Variants in TMEM163 observed in about 807,000 individuals in gnomAD.
The protein encoded by TMEM163 is transmembrane protein 163.
TMEM163 carries 17 observed loss-of-function variants against 29.3 expected under a neutral mutation model. The ratio of observed to expected loss-of-function variants is 0.58; its 90% confidence interval spans 0.40 to 0.87. The LOEUF (loss-of-function observed/expected upper bound fraction) is 0.87. TMEM163 is among the 40% of genes least tolerant of loss of function. The pLI is 0.00. For synonymous variants in TMEM163, 157 were observed against 160.6 expected (o/e 0.98, Z 0.17); for missense variants, 303 against 381.5 (o/e 0.79, Z 1.71).
In TMEM163 at chr2:134,456,838, C is replaced by A. The variant is rs184503413; in HGVS notation, c.810-62G>T. On this transcript the variant is annotated intron_variant, in intron 7 of 7. Transcript: ENST00000281924. ...CATGGGGCTGAAGAGCTTGGGGAAGCGTATTTTCATTTTTTTTTTCCTGAG... is the reference window on the plus strand; with the variant it reads ...CATGGGGCTGAAGAGCTTGGGGAAGAGTATTTTCATTTTTTTTTTCCTGAG... 28 of 1,533,834 alleles carry A rather than the reference C, an allele frequency of 1.8e-5. No homozygotes were observed. In the South Asian group the frequency reaches 3.1e-4, roughly 17 times the overall value.
intron 4 of TMEM163, among the ~76,000 whole-genome samples, chr2:134,546,149 G>T (rs1013316286): frequency 6.6e-6 from 1 of 152,106 alleles, no homozygotes; most frequent in Non-Finnish European, 1.5e-5. Context: ...CAGTATAGAG[G>T]TTCCTCAAAA....
intron 2 of TMEM163, among the ~76,000 whole-genome samples, chr2:134,601,321 T>C (rs1008031042): frequency 3.9e-5 from 6 of 152,146 alleles, no homozygotes; most frequent in Non-Finnish European, 5.9e-5. Flanking sequence ...ACCTACTTCA[T>C]GGGAAAAATA....
chr2:134,646,268 A>G (rs1421989707), intron 2 of TMEM163, among the ~76,000 whole-genome samples: 3 of 151,592 alleles, frequency 2.0e-5, no homozygotes, highest in Non-Finnish European at 1.5e-5. Context: ...TATTTTTAGT[A>G]GAGACAGCGT....
At chr2:134,584,486 C>A (rs1283893427) in intron 2 of TMEM163, among the ~76,000 whole-genome samples, 4 of 152,096 alleles carry the variant, frequency 2.6e-5, no homozygotes, top group African/African-American at 9.7e-5. Flanking sequence ...TCTATGGTCA[C>A]CCATGTGAAA....
chr2:134,697,723 T>C (rs1028966405), intron 2 of TMEM163, among the ~76,000 whole-genome samples: 2 of 152,180 alleles, frequency 1.3e-5, no homozygotes, highest in African/African-American at 4.8e-5. Context: ...AATTACATAA[T>C]AAACATTCTG....
At chr2:134,560,324 T>G (rs1011973962) in intron 2 of TMEM163, among the ~76,000 whole-genome samples, 2 of 152,236 alleles carry the variant, frequency 1.3e-5, no homozygotes, top group Non-Finnish European at 2.9e-5. Context: ...TTTGAATGTT[T>G]GTTCCCTGAT....
intron 1 of TMEM163, among the ~76,000 whole-genome samples, chr2:134,717,663 AG>A (rs1297360279): frequency 2.6e-5 from 4 of 152,228 alleles, no homozygotes; most frequent in Admixed American, 2.6e-4. Flanking sequence ...AAGGGGGTGG[AG>A]GTGCAAAAGA....
chr2:134,496,987 T>C (rs1679580079), intron 5 of TMEM163, among the ~76,000 whole-genome samples: 2 of 152,144 alleles, frequency 1.3e-5, no homozygotes, highest in African/African-American at 4.8e-5. Flanking sequence ...ACTCATCGCC[T>C]GCCTTGCCCA....
chr2:134,684,922 CAAAAA>C (rs56956631), intron 2 of TMEM163, among the ~76,000 whole-genome samples: 3 of 74,810 alleles, frequency 4.0e-5, no homozygotes, highest in Admixed American at 1.4e-4. Context: ...GACCCTGTCT[CAAAAA>C]AAAAAAAAAA....
chr2:134,627,340 G>A (rs990434246), intron 2 of TMEM163, among the ~76,000 whole-genome samples: 1 of 152,088 alleles, frequency 6.6e-6, no homozygotes, highest in East Asian at 1.9e-4. Flanking sequence ...GGATGTTTGG[G>A]ACTAAATAGT....
chr2:134,532,919 G>GCCCACATA (rs1426900416), intron 4 of TMEM163, among the ~76,000 whole-genome samples: 3 of 152,338 alleles, frequency 2.0e-5, no homozygotes, highest in African/African-American at 4.8e-5. Flanking sequence ...TACTTTGGGA[G>GCCCACATA]TGACAGGTCT....
intron 2 of TMEM163, among the ~76,000 whole-genome samples, chr2:134,631,487 G>A (rs1249460084): frequency 6.6e-6 from 1 of 151,952 alleles, no homozygotes; most frequent in African/African-American, 2.4e-5. Flanking sequence ...GACATTGCCA[G>A]ACGTCCCCTG....
intron 2 of TMEM163, among the ~76,000 whole-genome samples, chr2:134,710,176 T>C (rs1447346345): frequency 6.6e-6 from 1 of 152,224 alleles, no homozygotes; most frequent in Non-Finnish European, 1.5e-5. Context: ...CCTGAGACTG[T>C]GTCAAAAGCG....
chr2:134,574,727 A>C (rs1489106007), intron 2 of TMEM163, among the ~76,000 whole-genome samples: 1 of 152,228 alleles, frequency 6.6e-6, no homozygotes, highest in Non-Finnish European at 1.5e-5. Context: ...CGGTTAGCTC[A>C]TTAACAGGAT....
intron 1 of TMEM163, among the ~76,000 whole-genome samples, chr2:134,717,156 G>A (rs1685054703): frequency 6.6e-6 from 1 of 152,210 alleles, no homozygotes; most frequent in Non-Finnish European, 1.5e-5. Context: ...ATTTTGTGGG[G>A]TAGGGAGAAA....
chr2:134,530,773 A>G (rs1245519537), intron 4 of TMEM163, among the ~76,000 whole-genome samples: 1 of 152,248 alleles, frequency 6.6e-6, no homozygotes, highest in African/African-American at 2.4e-5. Context: ...GGGTTGGATG[A>G]AGAATAAATC....
chr2:134,691,326 C>G lies in TMEM163; in HGVS notation c.322+21874G>C, dbSNP rs541659627. Among the ~76,000 whole-genome samples, 8 of 152,248 alleles carry G rather than the reference C, an allele frequency of 5.3e-5. 1 individual carries two copies. In the South Asian group the frequency reaches 1.7e-3, roughly 32 times the overall value. On this transcript the variant is annotated intron_variant, in intron 2 of 7. Transcript: ENST00000281924. ...AGACCCGTGTCCCTGGAGGAGCAGT[C>G]AAGTCACTGAGTCTGCCTAGCGTAG...
chr2:134,482,964 G>T (rs1166576819), intron 5 of TMEM163, among the ~76,000 whole-genome samples: 2 of 152,090 alleles, frequency 1.3e-5, no homozygotes, highest in African/African-American at 2.4e-5. Flanking sequence ...GCCAGGTGAG[G>T]CCCTGCAGAG....
At chr2:134,518,672 G>A (rs1680129892) in intron 4 of TMEM163, among the ~76,000 whole-genome samples, 5 of 152,132 alleles carry the variant, frequency 3.3e-5, no homozygotes, top group African/African-American at 4.8e-5. Flanking sequence ...AATTCAGCAC[G>A]GTATAGACTT....
Sources: allele counts gnomAD v4.1 joint callset (sites outside exome capture counted in the v4.1 genomes callset), GRCh38; gene constraint gnomAD v4.1.1; transcripts MANE v1.5; gene names NCBI Gene and HGNC (gene_info 2026-07-23, HGNC 2026-07-21).